RANBP2: variants seen among roughly 807,000 people sequenced by gnomAD.
The protein encoded by RANBP2 is E3 SUMO-protein ligase RanBP2.
In RANBP2, 57 loss-of-function variants were observed where a neutral mutation model predicts 303.6. The observed-to-expected ratio is 0.19, with a 90% CI of 0.15 to 0.23. The LOEUF (loss-of-function observed/expected upper bound fraction) is 0.23, where lower values mean the gene tolerates loss of function less well. RANBP2 is among the 10% of genes least tolerant of loss of function. The pLI is 1.00. For synonymous variants in RANBP2, 1,167 were observed against 1,301.5 expected (o/e 0.90, Z 2.23); for missense variants, 3,138 against 3,780.8 (o/e 0.83, Z 4.46).
the RANBP2 span, among the ~76,000 whole-genome samples, chr2:109,553,604 G>C: frequency 6.8e-6 from 1 of 147,430 alleles, no homozygotes; most frequent in Non-Finnish European, 1.5e-5. Flanking sequence ...TGTAATCCCA[G>C]CACTTTGGGA....
the RANBP2 span, among the ~76,000 whole-genome samples, chr2:109,386,141 A>G: frequency 6.6e-6 from 1 of 152,232 alleles, no homozygotes; most frequent in Non-Finnish European, 1.5e-5. Flanking sequence ...AGAGAGGGTC[A>G]AGGCTGCAAA....
the RANBP2 span, among the ~76,000 whole-genome samples, chr2:109,077,732 G>A: frequency 8.7e-5 from 13 of 149,918 alleles, 1 homozygote; most frequent in South Asian, 2.8e-3. Flanking sequence ...CTATCATCAG[G>A]GAAATGCAAA....
At chr2:109,457,523 T>A in the RANBP2 span, among the ~76,000 whole-genome samples, 2 of 152,236 alleles carry the variant, frequency 1.3e-5, no homozygotes, top group Non-Finnish European at 2.9e-5. Flanking sequence ...GAGTAACTAA[T>A]CAGGATTACT....
chr2:109,335,711 C>T, the RANBP2 span, among the ~76,000 whole-genome samples: 1 of 152,198 alleles, frequency 6.6e-6, no homozygotes, highest in Non-Finnish European at 1.5e-5. Flanking sequence ...TTTGTTCACT[C>T]CCAAACCCCA....
chr2:109,289,293 T>G, the RANBP2 span, among the ~76,000 whole-genome samples: 4 of 152,316 alleles, frequency 2.6e-5, no homozygotes, highest in African/African-American at 7.2e-5. Context: ...TTCTTGTTAT[T>G]TATTTCCAAC....
At chr2:109,649,502 A>G in the RANBP2 span, among the ~76,000 whole-genome samples, 1 of 151,756 alleles carries the variant, frequency 6.6e-6, no homozygotes, top group African/African-American at 2.4e-5. Context: ...GGTTCAAGCG[A>G]TTCTCCTGCC....
rs143675099 is a variant in RANBP2 at position 108,768,156 on chromosome 2, A to T, written c.7617A>T (p.Ser2539=). Reference sequence around the variant, plus strand: ...AACCATTTGCATTCGGCAACAGTTCAGCCACTGGGTCTTTGTTTGGATTTA... The same window carrying T: ...AACCATTTGCATTCGGCAACAGTTCTGCCACTGGGTCTTTGTTTGGATTTA... ...KSKPFAFGNS[S]ATGSLFGFSF... is the part of the protein sequence containing the mutation. Residue 2539 remains serine (S), a synonymous_variant, in exon 20 of 29, where the codon TCA becomes TCT. Transcript: ENST00000283195. 7.5e-5 allele frequency: 121 copies of T among 1,612,060 alleles called. 1 individual carries two copies. Among genetic ancestry groups the T allele is most frequent in the Admixed American group, 1.5e-4 (9 of 60,026 alleles).
chr2:108,881,415 A>G, the RANBP2 span, among the ~76,000 whole-genome samples: 8 of 152,336 alleles, frequency 5.3e-5, no homozygotes, highest in East Asian at 1.5e-3. Context: ...TATCAAGACC[A>G]CTAAAACTTT....
the RANBP2 span, chr2:109,614,079 C>A: frequency 1.7e-6 from 2 of 1,211,590 alleles, no homozygotes; most frequent in Admixed American, 8.7e-5. Context: ...GAGCTACCCT[C>A]GACGCCTGAG....
chr2:109,419,876 G>C, the RANBP2 span, among the ~76,000 whole-genome samples: 1 of 152,248 alleles, frequency 6.6e-6, no homozygotes, highest in Non-Finnish European at 1.5e-5. Context: ...AGGATATTCA[G>C]AGTATTCACA....
chr2:108,786,252 C>CTTTTTTT (rs5833304), downstream of RANBP2, among the ~76,000 whole-genome samples: 1 of 136,094 alleles, frequency 7.3e-6, no homozygotes, highest in African/African-American at 2.8e-5. Context: ...TCAGCTTTCC[C>CTTTTTTT]TTTTTTTTTT....
chr2:108,894,598 T>C, the RANBP2 span: 1 of 152,588 alleles, frequency 6.6e-6, no homozygotes, highest in East Asian at 1.9e-4. Context: ...GGGTGTTTTC[T>C]AAATGTTTTA....
the RANBP2 span, among the ~76,000 whole-genome samples, chr2:109,103,618 A>G: frequency 1.3e-5 from 2 of 152,154 alleles, no homozygotes; most frequent in African/African-American, 2.4e-5. Flanking sequence ...ATGGAAGCCA[A>G]GCTTCTTGTT....
At chr2:108,929,810 G>A in the RANBP2 span, among the ~76,000 whole-genome samples, 1 of 152,204 alleles carries the variant, frequency 6.6e-6, no homozygotes, top group African/African-American at 2.4e-5. Flanking sequence ...TACTAGTACT[G>A]GAGAATATTT....
the RANBP2 span, among the ~76,000 whole-genome samples, chr2:109,341,638 C>T: frequency 7.6e-4 from 116 of 152,286 alleles, no homozygotes; most frequent in Admixed American, 1.2e-3. Context: ...GGGGTGTGTT[C>T]TGCAAGGTCA....
chr2:109,565,789 C>T, the RANBP2 span: 34 of 1,613,906 alleles, frequency 2.1e-5, no homozygotes, highest in South Asian at 8.8e-5. Flanking sequence ...AGGGTACTGG[C>T]GAGCTTTGAC....
chr2:109,537,620 T>G, the RANBP2 span, among the ~76,000 whole-genome samples: 2 of 152,154 alleles, frequency 1.3e-5, no homozygotes, highest in African/African-American at 4.8e-5. Flanking sequence ...CGTAACAAAT[T>G]ACCATAAATT....
In RANBP2 at chr2:108,765,365, A is replaced by T. The variant is rs146669983; in HGVS notation, c.4826A>T (p.Gln1609Leu). 306 of 1,252,330 alleles carry T rather than the reference A, an allele frequency of 2.4e-4. 1 individual carries two copies. In the African/African-American group the frequency reaches 4.2e-3, roughly 17 times the overall value. 77.6% of individuals were successfully genotyped at this position (1,252,330 alleles called of 1,614,324 possible). Residue 1609 changes from glutamine to leucine, a missense_variant, in exon 20 of 29, where the codon CAG (glutamine) becomes CTG (leucine). This residue lies in a region of RANBP2 where 28 missense variants were observed against 43.2 expected (regional missense o/e 0.65). Coordinates refer to ENST00000283195, the MANE Select transcript of RANBP2 (RefSeq NM_006267.5). ...FEGMFTKKEG[Q>L]WDCSVCLVRN... The stretch of plus-strand genomic sequence containing the variant: ...GGAATGTTCACTAAGAAGGAGGGAC[A>T]GTGGGATTGCAGTGTGTGCTTAGTA...
At chr2:108,931,022 C>T in the RANBP2 span, 3 of 1,614,048 alleles carry the variant, frequency 1.9e-6, no homozygotes, top group Non-Finnish European at 2.5e-6. Flanking sequence ...CATCCTCTCC[C>T]AAGGGCTCAC....
Sources: allele counts gnomAD v4.1 joint callset (sites outside exome capture counted in the v4.1 genomes callset), GRCh38; gene constraint gnomAD v4.1.1; regional missense constraint gnomAD v4.1.1; transcripts MANE v1.5; gene names NCBI Gene and HGNC (gene_info 2026-07-23, HGNC 2026-07-21).